Variants in KLC1 observed in about 807,000 individuals in gnomAD.
KLC1 encodes the protein kinesin 2 60/70kDa.
A neutral mutation model predicts 84.2 loss-of-function variants in KLC1; 30 were observed. The observed-to-expected ratio is 0.36, with a 90% CI of 0.27 to 0.48. The LOEUF (loss-of-function observed/expected upper bound fraction) is 0.48, where lower values mean the gene tolerates loss of function less well. KLC1 is among the 20% of genes least tolerant of loss of function. The pLI, the probability that KLC1 is intolerant of heterozygous loss-of-function variation, is 0.99. For synonymous variants in KLC1, 289 were observed against 293.3 expected (o/e 0.99, Z 0.15); for missense variants, 499 against 805.4 (o/e 0.62, Z 4.60).
intron 5 of KLC1, 38 bp downstream of exon 5, chr14:103,662,965 A>G: frequency 2.0e-5 from 28 of 1,428,972 alleles, no homozygotes; most frequent in Non-Finnish European, 2.7e-5. Context: ...TTTTACCTAG[A>G]GACAATGTTT....
At chr14:103,672,059 G>A (rs1033357007) in intron 7 of KLC1, among the ~76,000 whole-genome samples, 5 of 152,174 alleles carry the variant, frequency 3.3e-5, no homozygotes, top group Non-Finnish European at 7.3e-5. Flanking sequence ...ACTGAGGACC[G>A]CAGAGGGCAC....
intron 7 of KLC1, among the ~76,000 whole-genome samples, chr14:103,671,328 T>C (rs150295963): frequency 1.5e-3 from 232 of 152,208 alleles, no homozygotes; most frequent in Middle Eastern, 6.8e-3. Context: ...TTAGATGTTA[T>C]GAAGATTCGG....
chr14:103,677,589 G>T, intron 12 of KLC1, 66 bp downstream of exon 12: 1 of 886,198 alleles, frequency 1.1e-6, no homozygotes, highest in South Asian at 1.4e-5. Flanking sequence ...TCTTTTACAT[G>T]AATTTTATTG....
At chr14:103,634,596 G>T (rs542060386) in intron 1 of KLC1, among the ~76,000 whole-genome samples, 19 of 152,230 alleles carry the variant, frequency 1.2e-4, no homozygotes, top group African/African-American at 4.1e-4. Flanking sequence ...TGGGGAGTGG[G>T]TCTAAGAGGA....
intron 15 of KLC1, 84 bp downstream of exon 15, chr14:103,692,509 C>T (rs1026505304): frequency 2.7e-5 from 32 of 1,180,688 alleles, no homozygotes; most frequent in Admixed American, 4.1e-5. Context: ...GGCCCCTGCT[C>T]GGCCCCTGCT....
rs556675455 is a variant in KLC1 at position 103,654,402 on chromosome 14, A to G, written c.-1-162A>G. 2.1e-4 allele frequency among the ~76,000 whole-genome samples: 32 copies of G among 152,346 alleles called. No homozygotes were observed. The South Asian group carries it at 6.4e-3, about 31-fold the overall frequency. On this transcript the variant is annotated intron_variant, in intron 1 of 16. Transcript: ENST00000334553. ...AATTAAATGTGTCTGCAAAGGAAAA[A>G]CAGAAACTGCAGAATATGGTATTTC...
intron 15 of KLC1, chr14:103,699,624 C>T (rs781670530): frequency 1.3e-6 from 2 of 1,593,000 alleles, no homozygotes; most frequent in Non-Finnish European, 1.7e-6. Flanking sequence ...AGTCCCCGCC[C>T]CAGGTGACCA....
At chr14:103,645,464 CTTAGT>C (rs909869625) in intron 1 of KLC1, among the ~76,000 whole-genome samples, 2 of 152,186 alleles carry the variant, frequency 1.3e-5, no homozygotes, top group African/African-American at 4.8e-5. Flanking sequence ...AGTCGCACTT[CTTAGT>C]TTAAAGCATC....
At chr14:103,663,235 A>G (rs2079445281) in intron 5 of KLC1, among the ~76,000 whole-genome samples, 1 of 151,798 alleles carries the variant, frequency 6.6e-6, no homozygotes, top group Non-Finnish European at 1.5e-5. Flanking sequence ...ACCCGCCACC[A>G]TGCCTGGCTA....
chr14:103,631,906 AG>A (rs1445442787), intron 1 of KLC1, among the ~76,000 whole-genome samples: 6 of 152,180 alleles, frequency 3.9e-5, no homozygotes, highest in Non-Finnish European at 5.9e-5. Context: ...GGCTGAAACC[AG>A]TATTTTATGT....
Position 103,670,202 on chromosome 14 carries a change from C to A in KLC1, c.906C>A (p.Asn302Lys). 1 of 1,612,778 alleles carries A rather than the reference C, an allele frequency of 6.2e-7. No homozygotes were observed. Among genetic ancestry groups the A allele is most frequent in the Non-Finnish European group, 8.5e-7 (1 of 1,179,174 alleles). Residue 302 changes from asparagine to lysine, a missense_variant, in exon 7 of 17, where the codon AAC becomes AAA. Physicochemically the swap from Asn to Lys is moderately conservative, Grantham distance 94. Around this residue, in one of 3 missense-constraint regions of KLC1, gnomAD observed 153 missense variants for 332.4 expected, o/e 0.46. Transcript: ENST00000334553. ...DHPAVAATLN[N>K]LAVLYGKRGK... ...GACAGGTGGCGGCGACTTTGAATAA[C>A]CTTGCAGTCCTTTATGGTAAAAGAG...
chr14:103,670,304 C>A, intron 7 of KLC1, 21 bp downstream of exon 7: 8 of 1,519,408 alleles, frequency 5.3e-6, no homozygotes, highest in South Asian at 4.7e-5. Context: ...AGGGGGCAGT[C>A]GTTTTCTTTG....
At chr14:103,696,342 GCACT>G in intron 15 of KLC1, 1 of 985,420 alleles carries the variant, frequency 1.0e-6, no homozygotes, top group Non-Finnish European at 1.2e-6. Flanking sequence ...CTCATGGGCA[GCACT>G]TGGTCTTGTG....
intron 5 of KLC1, among the ~76,000 whole-genome samples, chr14:103,668,158 G>T (rs747360367): frequency 6.6e-6 from 1 of 152,226 alleles, no homozygotes; most frequent in Non-Finnish European, 1.5e-5. Context: ...CTGGGACTGC[G>T]TGAGGTCACG....
chr14:103,651,650 C>T (rs1254114155), intron 1 of KLC1, among the ~76,000 whole-genome samples: 1 of 152,174 alleles, frequency 6.6e-6, no homozygotes, highest in Non-Finnish European at 1.5e-5. Flanking sequence ...GGGCAGGTTT[C>T]TTGTGCTCTC....
chr14:103,697,745 C>A (rs553300152), intron 15 of KLC1: 2 of 152,388 alleles, frequency 1.3e-5, no homozygotes, highest in East Asian at 3.9e-4. Flanking sequence ...CATGGGGAGG[C>A]CACGCCACTC....
intron 2 of KLC1, among the ~76,000 whole-genome samples, chr14:103,655,448 A>G (rs954214073): frequency 2.6e-5 from 4 of 151,054 alleles, no homozygotes; most frequent in African/African-American, 9.7e-5. Flanking sequence ...GATTACAGGC[A>G]TGGGCCACCA....
chr14:103,691,155 CTT>C (rs11384297), intron 14 of KLC1, among the ~76,000 whole-genome samples: 1 of 129,450 alleles, frequency 7.7e-6, no homozygotes, highest in South Asian at 2.4e-4. Context: ...GTTCCCCCCA[CTT>C]TTTTTTTTTT....
At chr14:103,644,419 C>T (rs1028719890) in intron 1 of KLC1, among the ~76,000 whole-genome samples, 11 of 151,884 alleles carry the variant, frequency 7.2e-5, no homozygotes, top group Non-Finnish European at 1.3e-4. Context: ...CCACCACACC[C>T]GGCTAATTTT....
Sources: gnomAD v4.1 joint callset for allele counts (sites outside exome capture counted in the v4.1 genomes callset) on GRCh38, gnomAD v4.1.1 for gene constraint, gnomAD v4.1.1 regional missense constraint, MANE v1.5 for transcripts, NCBI Gene and HGNC (gene_info 2026-07-23, HGNC 2026-07-21) for gene names.